The following KCTD2 variants were observed in gnomAD, a reference collection of about 807,000 sequenced individuals.
The protein encoded by KCTD2 is BTB/POZ domain-containing protein KCTD2.
In KCTD2, 18 loss-of-function variants were observed where a neutral mutation model predicts 27.9. The observed-to-expected ratio is 0.64, with a 90% CI of 0.45 to 0.96. The LOEUF is 0.96. Ranked by LOEUF, KCTD2 falls within the 40% of genes least tolerant of loss-of-function variation. The probability of loss-of-function intolerance (pLI) is 0.00; values close to 1 mark genes in which losing one functional copy is unlikely to be tolerated. For synonymous variants in KCTD2, 175 were observed against 148.4 expected (o/e 1.18, Z -1.30); for missense variants, 280 against 348.0 (o/e 0.80, Z 1.56).
chr17:75,051,826 G>A (rs2073291637), intron 2 of KCTD2, among the ~76,000 whole-genome samples: 1 of 152,156 alleles, frequency 6.6e-6, no homozygotes, highest in Non-Finnish European at 1.5e-5. Flanking sequence ...AGCTTATATT[G>A]CAGTTTTGTC....
intron 3 of KCTD2, among the ~76,000 whole-genome samples, chr17:75,057,002 T>C (rs1425274948): frequency 6.9e-6 from 1 of 145,450 alleles, no homozygotes; most frequent in East Asian, 2.0e-4. Flanking sequence ...TTGACCAGGC[T>C]GGAGTGCAGT....
chr17:75,033,494 C>G (rs1342328975), intron 1 of KCTD2, among the ~76,000 whole-genome samples: 1 of 152,116 alleles, frequency 6.6e-6, no homozygotes, highest in Non-Finnish European at 1.5e-5. Flanking sequence ...GTTTATGTTT[C>G]AATATTCATG....
intron 1 of KCTD2, 188 bp from the exon 2 acceptor site, chr17:75,049,032 A>G: frequency 2.0e-6 from 1 of 503,238 alleles, no homozygotes. Context: ...AAGATACATA[A>G]AGCTATAGCT....
At chr17:75,039,112 C>G (rs1443619628) in intron 3 of KCTD2, 2 of 1,612,188 alleles carry the variant, frequency 1.2e-6, no homozygotes, top group Non-Finnish European at 1.7e-6. Flanking sequence ...AGACGGAAAG[C>G]AGAATATCCA....
chr17:75,042,256 A>T, upstream of KCTD2: 1 of 1,614,162 alleles, frequency 6.2e-7, no homozygotes, highest in Non-Finnish European at 8.5e-7. Context: ...TAGCTGGTGG[A>T]TTCTCAGGTA....
chr17:75,059,507 C>T lies in KCTD2; in HGVS notation c.541-3C>T. The T allele has an allele frequency of 6.2e-7, 1 of 1,609,982 alleles. No homozygotes were observed. The highest frequency in any genetic ancestry group is 8.5e-7 in the Non-Finnish European group (1 of 1,177,418). On this transcript the variant is annotated splice_region_variant and splice_polypyrimidine_tract_variant and intron_variant, in intron 3 of 5. Transcript: ENST00000322444. ...GTTCTCAGTCTGCGCCTGGTCATTG[C>T]AGGGCCCCGTGAAGCACGTGTACAG... is the stretch of plus-strand genomic sequence containing the variant.
intron 2 of KCTD2, 87 bp from the exon 3 acceptor site, chr17:75,052,927 T>A: frequency 1.0e-6 from 1 of 953,814 alleles, no homozygotes; most frequent in East Asian, 2.4e-5. Flanking sequence ...AAGCAGTTTT[T>A]AGCAAGCATG....
chr17:75,060,231 A>AT (rs879689813), intron 4 of KCTD2, among the ~76,000 whole-genome samples: 1,765 of 145,394 alleles, frequency 0.012, 24 homozygotes, highest in South Asian at 0.035. Context: ...AGTAAATACA[A>AT]TTTTTTTTTT....
intron 3 of KCTD2, among the ~76,000 whole-genome samples, chr17:75,054,544 GCCTGTAATC>G (rs892674228): frequency 1.3e-5 from 2 of 152,036 alleles, no homozygotes; most frequent in African/African-American, 4.8e-5. Context: ...GGTGGCTCAC[GCCTGTAATC>G]CCAGCACTTT....
Position 75,032,717 on chromosome 17 carries a change from T to C in KCTD2, c.-477T>C, listed in dbSNP as rs1398476548. The C allele has an allele frequency of 6.7e-6, 1 of 150,238 alleles. No individual in the cohort carries two copies. The highest frequency in any genetic ancestry group is 2.5e-5 in the African/African-American group (1 of 40,744). The allele number at this position is 150,238 out of a possible 1,614,324, so 9.3% of individuals were successfully genotyped here. A position where few individuals can be genotyped will look rare whatever the true frequency, so the allele number is the denominator to read the frequency against. On this transcript the variant is annotated 5_prime_UTR_variant, in exon 1 of 8. Coordinates refer to the KCTD2 transcript ENST00000581589. This position sits in a 1 kb window ranked among gnomAD's most constrained non-coding sequence, Gnocchi z 4.8. ...GACCCTGGGGACGAATAGGAACAGC[T>C]GAGCAAGGCAAGGCTGAGCCCCGGG... is the stretch of plus-strand genomic sequence containing the variant.
chr17:75,040,267 G>A lies in KCTD2; in HGVS notation c.-259+4910G>A, dbSNP rs189719024. On this transcript the variant is annotated intron_variant, in intron 3 of 7. Coordinates refer to the KCTD2 transcript ENST00000581589. ...AGGAGCTCAAAGGGCTGGAAGCTAC[G>A]AATCCTTAAAGGTCATACTGAAAGA... 6.2e-5 allele frequency: 85 copies of A among 1,372,504 alleles called. No homozygotes were observed. The African/African-American group carries it at 7.6e-4, about 12-fold the overall frequency. The allele number at this position is 1,372,504 out of a possible 1,614,324, so 85.0% of individuals were successfully genotyped here. A position where few individuals can be genotyped will look rare whatever the true frequency, so the allele number is the denominator to read the frequency against.
intron 3 of KCTD2, 138 bp from the exon 4 acceptor site, chr17:75,059,372 G>C (rs2073381246): frequency 2.0e-6 from 1 of 492,062 alleles, no homozygotes; most frequent in African/African-American, 1.9e-5. Flanking sequence ...TTTGTAAAAG[G>C]GGATAGTGGG....
chr17:75,047,617 G>T, intron 1 of KCTD2, 28 bp downstream of exon 1: 1 of 1,589,536 alleles, frequency 6.3e-7, no homozygotes. Context: ...GCGCGCCCCC[G>T]GGCCTTCGAA....
intron 4 of KCTD2, among the ~76,000 whole-genome samples, chr17:75,061,507 G>C (rs2073403651): frequency 6.6e-6 from 1 of 152,124 alleles, no homozygotes; most frequent in African/African-American, 2.4e-5. Context: ...AATTAGCCAG[G>C]CATGGTGGCT....
rs1050937980 is a variant in KCTD2, at chr17:75,063,392, C to G, written c.*345C>G. 3.1e-6 allele frequency: 1 copy of G among 320,474 alleles called. No individual in the cohort carries two copies. The highest frequency in any genetic ancestry group is 6.0e-6 in the Non-Finnish European group (1 of 167,496). 19.9% of individuals were successfully genotyped at this position (320,474 alleles called of 1,614,324 possible). On this transcript the variant is annotated 3_prime_UTR_variant, in exon 6 of 6. Transcript: ENST00000322444. ...GGAAGGCCTAGCTCCTTGGAAATGG[C>G]CTGTACTTTAAGGACGCTGGAGCCA... is the stretch of plus-strand genomic sequence containing the variant.
chr17:75,045,053 C>T (rs982078827), upstream of KCTD2, among the ~76,000 whole-genome samples: 6 of 152,156 alleles, frequency 3.9e-5, no homozygotes, highest in Non-Finnish European at 8.8e-5. Flanking sequence ...TTTTCCTAAG[C>T]GTCGACTGGC....
chr17:75,062,699 A>AACAC (rs10533801), intron 5 of KCTD2, among the ~76,000 whole-genome samples: 2,219 of 116,034 alleles, frequency 0.019, 93 homozygotes, highest in East Asian at 0.058. Flanking sequence ...CCTCACCCCC[A>AACAC]ACACACACAC....
intron 3 of KCTD2, among the ~76,000 whole-genome samples, chr17:75,037,363 A>AT (rs1038998028): frequency 2.0e-5 from 3 of 151,402 alleles, no homozygotes; most frequent in African/African-American, 7.3e-5. Context: ...AAAAAAAAAA[A>AT]AGAAATGGCA....
rs1013253756 is a variant in KCTD2, at chr17:75,053,121, C to T, written c.540+16C>T. On this transcript the variant is annotated intron_variant, in intron 3 of 5. Coordinates refer to ENST00000322444, the MANE Select transcript of KCTD2 (RefSeq NM_015353.3). ...AACTTCACAAGTAATGTATTTGGAACTGTTAAGGAGGGTTGTTTCAAGTGG... is the reference window on the plus strand; with the variant it reads ...AACTTCACAAGTAATGTATTTGGAATTGTTAAGGAGGGTTGTTTCAAGTGG... The T allele has an allele frequency of 4.4e-6, 7 of 1,594,936 alleles. No individual in the cohort carries two copies. Among genetic ancestry groups the T allele is most frequent in the Non-Finnish European group, 5.2e-6 (6 of 1,162,826 alleles).
Sources: gnomAD v4.1 joint callset for allele counts (sites outside exome capture counted in the v4.1 genomes callset) on GRCh38, gnomAD v4.1.1 for gene constraint, Gnocchi (gnomAD v3.1) non-coding constraint, MANE v1.5 for transcripts, NCBI Gene and HGNC (gene_info 2026-07-23, HGNC 2026-07-21) for gene names.